Variants in UBE2E2 observed in about 807,000 individuals in gnomAD.
UBE2E2 encodes ubiquitin conjugating enzyme E2 E2.
In UBE2E2, 6 loss-of-function variants were observed where a neutral mutation model predicts 24.7. That is an observed-to-expected ratio of 0.24 (90% CI 0.13 to 0.48). The LOEUF is 0.48. Ranked by LOEUF, UBE2E2 falls within the 20% of genes least tolerant of loss-of-function variation. The probability of loss-of-function intolerance (pLI) is 0.99; values close to 1 mark genes in which losing one functional copy is unlikely to be tolerated. For missense variants in UBE2E2, 169 were observed against 245.0 expected, an observed-to-expected ratio of 0.69 and a Z score of 2.07; for synonymous variants, 104 against 83.6, an observed-to-expected ratio of 1.24 and a Z score of -1.33.
At chr3:23,246,121 C>T (rs894298707) in intron 3 of UBE2E2, among the ~76,000 whole-genome samples, 3 of 152,186 alleles carry the variant, frequency 2.0e-5, no homozygotes, top group East Asian at 1.9e-4. Flanking sequence ...CATGGCTCGC[C>T]GAAGCCTCCA....
chr3:23,468,833 A>C (rs1698975830), intron 3 of UBE2E2, among the ~76,000 whole-genome samples: 1 of 152,196 alleles, frequency 6.6e-6, no homozygotes, highest in South Asian at 2.1e-4. Context: ...TAGCGTGACA[A>C]AATCCATCTC....
Position 23,583,733 on chromosome 3 carries a change from T to C in UBE2E2, c.509-6001T>C, listed in dbSNP as rs1696540886. 6.6e-6 allele frequency among the ~76,000 whole-genome samples: 1 copy of C among 152,224 alleles called. No homozygotes were observed. Among genetic ancestry groups the C allele is most frequent in the Non-Finnish European group, 1.5e-5 (1 of 68,044 alleles). ...TCTCAGCCTGTATGGTGTTGATGCA[T>C]AGAAATGCTACTGATTTTTGTGCAT... On this transcript the variant is annotated intron_variant, in intron 5 of 5. Coordinates refer to ENST00000396703, the MANE Select transcript of UBE2E2 (RefSeq NM_152653.4). The surrounding 1 kb of genome is among the most constrained non-coding windows in gnomAD (Gnocchi z 4.1).
chr3:23,262,033 G>T (rs781251879), intron 3 of UBE2E2, among the ~76,000 whole-genome samples: 18 of 152,076 alleles, frequency 1.2e-4, no homozygotes, highest in Non-Finnish European at 2.5e-4. Flanking sequence ...TTAATTTTTT[G>T]AGGAGCCTCC....
At chr3:23,229,653 G>C (rs1419802165) in intron 3 of UBE2E2, among the ~76,000 whole-genome samples, 1 of 152,168 alleles carries the variant, frequency 6.6e-6, no homozygotes, top group Non-Finnish European at 1.5e-5. Flanking sequence ...AGTGTTTTGA[G>C]GTCTTGCTTT....
intron 4 of UBE2E2, among the ~76,000 whole-genome samples, chr3:23,500,334 C>T (rs1288443346): frequency 6.6e-6 from 1 of 152,116 alleles, no homozygotes; most frequent in Non-Finnish European, 1.5e-5. Flanking sequence ...AATGAAAAGT[C>T]ATGTATGTTC....
chr3:23,533,037 G>A lies in UBE2E2; in HGVS notation c.508+336G>A, dbSNP rs191414119. 3.3e-5 allele frequency among the ~76,000 whole-genome samples: 5 copies of A among 152,266 alleles called. No homozygotes were observed. In the East Asian group the frequency reaches 9.6e-4, roughly 29 times the overall value. ...TGAATAGCTTAATCTTTAATTAGATGCCTACTAGAAGATGTTAATTTGAGG... is the reference window on the plus strand; with the variant it reads ...TGAATAGCTTAATCTTTAATTAGATACCTACTAGAAGATGTTAATTTGAGG... On this transcript the variant is annotated intron_variant, in intron 5 of 5. Coordinates refer to ENST00000396703, the MANE Select transcript of UBE2E2 (RefSeq NM_152653.4).
chr3:23,467,233 C>G, intron 3 of UBE2E2, among the ~76,000 whole-genome samples: 1 of 152,134 alleles, frequency 6.6e-6, no homozygotes, highest in Non-Finnish European at 1.5e-5. Flanking sequence ...GCATGAGAAA[C>G]CTAGACTTGA....
intron 3 of UBE2E2, among the ~76,000 whole-genome samples, chr3:23,434,485 A>G (rs1698139368): frequency 6.6e-6 from 1 of 152,126 alleles, no homozygotes; most frequent in Non-Finnish European, 1.5e-5. Context: ...TACTCCCAAA[A>G]TGATCACCCT....
intron 3 of UBE2E2, among the ~76,000 whole-genome samples, chr3:23,447,228 G>A (rs1353370953): frequency 6.6e-6 from 1 of 152,094 alleles, no homozygotes; most frequent in Non-Finnish European, 1.5e-5. Context: ...GCACTGCCCT[G>A]TCCCTTGGTG....
At chr3:23,361,808 A>G (rs1046934191) in intron 3 of UBE2E2, among the ~76,000 whole-genome samples, 2 of 152,188 alleles carry the variant, frequency 1.3e-5, no homozygotes, top group South Asian at 2.1e-4. Context: ...CCCAAAAACT[A>G]TTCATATAAA....
intron 4 of UBE2E2, among the ~76,000 whole-genome samples, chr3:23,516,436 A>G (rs1157894895): frequency 6.6e-6 from 1 of 152,208 alleles, no homozygotes; most frequent in Non-Finnish European, 1.5e-5. Flanking sequence ...GAAAAGCCTA[A>G]TAACACTATG....
intron 3 of UBE2E2, among the ~76,000 whole-genome samples, chr3:23,404,118 A>G (rs1697296693): frequency 6.6e-6 from 1 of 152,172 alleles, no homozygotes; most frequent in Admixed American, 6.6e-5. Context: ...GCTTTCTAAG[A>G]GAAGGGTTTT....
chr3:23,513,433 CA>C (rs1318234508), intron 4 of UBE2E2, among the ~76,000 whole-genome samples: 3 of 151,768 alleles, frequency 2.0e-5, no homozygotes, highest in African/African-American at 7.3e-5. Context: ...TTATATTGAA[CA>C]AGTGTACCAT....
At chr3:23,418,236 A>G (rs557660489) in intron 3 of UBE2E2, among the ~76,000 whole-genome samples, 1 of 152,302 alleles carries the variant, frequency 6.6e-6, no homozygotes, top group South Asian at 2.1e-4. Context: ...GACCGTGGGA[A>G]AAGCGTAGTA....
chr3:23,294,667 A>ATAAATATAATATTTATT, intron 3 of UBE2E2, among the ~76,000 whole-genome samples: 1 of 146,220 alleles, frequency 6.8e-6, no homozygotes, highest in African/African-American at 2.5e-5. Flanking sequence ...ATTATTTTAA[A>ATAAATATAATATTTATT]TAAATATAAT....
At chr3:23,228,346 G>T (rs1178910004) in intron 3 of UBE2E2, among the ~76,000 whole-genome samples, 1 of 151,932 alleles carries the variant, frequency 6.6e-6, no homozygotes, top group Non-Finnish European at 1.5e-5. Flanking sequence ...AATAGCAACA[G>T]AACATTTTAT....
rs188035558 is a variant in UBE2E2 at position 23,292,049 on chromosome 3, G to A, written c.227+74737G>A. ...AATTTTTTGTATTTTTAGTAGAGAC[G>A]GGGTTTCACCGTGTTAACCAGGATG... On this transcript the variant is annotated intron_variant, in intron 3 of 5. Coordinates refer to ENST00000396703, the MANE Select transcript of UBE2E2 (RefSeq NM_152653.4). Among the ~76,000 whole-genome samples the A allele has an allele frequency of 6.4e-3, 966 of 151,836 alleles. 14 individuals are homozygous for A. Among genetic ancestry groups the A allele is most frequent in the African/African-American group, 0.021 (884 of 41,410 alleles).
chr3:23,475,730 T>TA (rs1419025582), intron 3 of UBE2E2, among the ~76,000 whole-genome samples: 17 of 152,042 alleles, frequency 1.1e-4, no homozygotes, highest in Non-Finnish European at 2.1e-4. Context: ...TGCACACCAC[T>TA]ACTGCCCAGA....
intron 3 of UBE2E2, among the ~76,000 whole-genome samples, chr3:23,496,094 G>C (rs1237589943): frequency 6.6e-6 from 1 of 151,970 alleles, no homozygotes; most frequent in Non-Finnish European, 1.5e-5. Context: ...CTTTGACATA[G>C]ATATGTATCC....
Sources: allele counts gnomAD v4.1 joint callset (sites outside exome capture counted in the v4.1 genomes callset), GRCh38; gene constraint gnomAD v4.1.1; non-coding constraint Gnocchi (gnomAD v3.1); transcripts MANE v1.5; gene names NCBI Gene and HGNC (gene_info 2026-07-23, HGNC 2026-07-21).